ASPHD2: variants seen among roughly 807,000 people sequenced by gnomAD.
The protein encoded by ASPHD2 is aspartate beta-hydroxylase domain-containing protein 2.
A neutral mutation model predicts 34.6 loss-of-function variants in ASPHD2; 12 were observed. The ratio of observed to expected loss-of-function variants is 0.35; its 90% CI spans 0.22 to 0.56. ASPHD2 has a LOEUF of 0.56. Among genes scored for constraint, ASPHD2 ranks in the 20% least tolerant of loss-of-function variants. The probability of loss-of-function intolerance (pLI) is 0.87; values close to 1 mark genes in which losing one functional copy is unlikely to be tolerated. For missense variants in ASPHD2, 375 were observed against 505.0 expected, an observed-to-expected ratio of 0.74 and a Z score of 2.47; for synonymous variants, 224 against 212.2, an observed-to-expected ratio of 1.06 and a Z score of -0.48.
chr22:26,442,276 AC>A (rs2084853022), intron 2 of ASPHD2, among the ~76,000 whole-genome samples, 182 bp from the exon 3 acceptor site: 1 of 152,174 alleles, frequency 6.6e-6, no homozygotes, highest in African/African-American at 2.4e-5. Context: ...TCAGGTTTCA[AC>A]ATGGGAATTT....
chr22:26,432,173 C>T (rs554009382), intron 1 of ASPHD2, among the ~76,000 whole-genome samples: 71 of 152,262 alleles, frequency 4.7e-4, no homozygotes, highest in African/African-American at 6.0e-4. Context: ...CCAGCCTGGG[C>T]GATAAGAGTG....
In ASPHD2 at chr22:26,443,456, G is replaced by A. The variant is rs2084873013; in HGVS notation, c.*250G>A. ...TCATTTGCTTCAGAGACTCCTTTCTGGCCTAACAGCGCATTCCTTTGATTG... is the reference window on the plus strand; with the variant it reads ...TCATTTGCTTCAGAGACTCCTTTCTAGCCTAACAGCGCATTCCTTTGATTG... On this transcript the variant is annotated 3_prime_UTR_variant, in exon 4 of 4. Coordinates refer to ENST00000215906, the MANE Select transcript of ASPHD2 (RefSeq NM_020437.5). The A allele has an allele frequency of 2.3e-6, 1 of 441,822 alleles. No homozygotes were observed. The highest frequency in any genetic ancestry group is 2.3e-5 in the South Asian group (1 of 43,062). The allele number at this position is 441,822 out of a possible 1,614,324, so 27.4% of individuals were successfully genotyped here. A position where few individuals can be genotyped will look rare whatever the true frequency, so the allele number is the denominator to read the frequency against.
At chr22:26,437,914 C>G (rs1161302996) in intron 2 of ASPHD2, among the ~76,000 whole-genome samples, 1 of 152,110 alleles carries the variant, frequency 6.6e-6, no homozygotes, top group Non-Finnish European at 1.5e-5. Context: ...TCACTGTCCT[C>G]AAGAGCCACT....
rs978453569 is a variant in ASPHD2 at position 26,429,799 on chromosome 22, C to T, written c.-225+313C>T. ...CTCCATCTCCCTTCTCCCCTGTGAC[C>T]CCTCTTTCCTCACCTCCTGTCCCCT... is the stretch of plus-strand genomic sequence containing the variant. On this transcript the variant is annotated intron_variant, in intron 1 of 3. Coordinates refer to ENST00000215906, the MANE Select transcript of ASPHD2 (RefSeq NM_020437.5). The surrounding 1 kb of genome is among the most constrained non-coding windows in gnomAD (Gnocchi z 4.5). 4.6e-5 allele frequency among the ~76,000 whole-genome samples: 7 copies of T among 152,040 alleles called. No individual in the cohort carries two copies. Among genetic ancestry groups the T allele is most frequent in the African/African-American group, 1.7e-4 (7 of 41,404 alleles).
At position 26,433,463 on chromosome 22, in the gene ASPHD2, TC is replaced by T. The variant is rs1290740292; in HGVS notation, c.-151del. 2 of 612,440 alleles carry T rather than the reference TC, an allele frequency of 3.3e-6. No homozygotes were observed. Among genetic ancestry groups the T allele is most frequent in the African/African-American group, 3.7e-5 (2 of 53,838 alleles). The allele number at this position is 612,440 out of a possible 1,614,324, so 37.9% of individuals were successfully genotyped here. A position where few individuals can be genotyped will look rare whatever the true frequency, so the allele number is the denominator to read the frequency against. Reference sequence around the variant, plus strand: ...GATAATGTGACAAAAACCAGCCTCTTCCACCCCACTGCAGTGACTTTTGCCG... The same window carrying T: ...GATAATGTGACAAAAACCAGCCTCTTCACCCCACTGCAGTGACTTTTGCCG... On this transcript the variant is annotated 5_prime_UTR_variant, in exon 2 of 4. Coordinates refer to ENST00000215906, the MANE Select transcript of ASPHD2 (RefSeq NM_020437.5). The surrounding 1 kb of genome is among the most constrained non-coding windows in gnomAD (Gnocchi z 5.1).
At chr22:26,435,116 T>G (rs558781794) in intron 2 of ASPHD2, among the ~76,000 whole-genome samples, 1 of 152,292 alleles carries the variant, frequency 6.6e-6, no homozygotes, top group Non-Finnish European at 1.5e-5. Context: ...TAGACAGCCT[T>G]TGTTTGCATC....
Position 26,444,684 on chromosome 22 carries a change from A to G in ASPHD2, c.*1478A>G, listed in dbSNP as rs1477328630. The stretch of plus-strand genomic sequence containing the variant: ...ATCCAAATGGAAAACAGCAGCTTCT[A>G]AGAGGTACAACTGTTGGAAGAAAAC... On this transcript the variant is annotated 3_prime_UTR_variant, in exon 4 of 4. Transcript: ENST00000215906. 4 of 152,262 alleles carry G rather than the reference A, an allele frequency of 2.6e-5. No homozygotes were observed. The highest frequency in any genetic ancestry group is 6.5e-5 in the Admixed American group (1 of 15,290). 9.4% of individuals were successfully genotyped at this position (152,262 alleles called of 1,614,324 possible).
Position 26,443,973 on chromosome 22 carries a change from G to C in ASPHD2, c.*767G>C, listed in dbSNP as rs544221774. On this transcript the variant is annotated 3_prime_UTR_variant, in exon 4 of 4. Transcript: ENST00000215906. ...ACCAAGCTGCGGCTCACACAGATCA[G>C]CCACGGAACGTGTGATCCGCTTACC... is the stretch of plus-strand genomic sequence containing the variant. 7.9e-5 allele frequency: 12 copies of C among 152,340 alleles called. No homozygotes were observed. The South Asian group carries it at 2.5e-3, about 32-fold the overall frequency. The allele number at this position is 152,340 out of a possible 1,614,324, so 9.4% of individuals were successfully genotyped here.
At position 26,434,156 on chromosome 22, in the gene ASPHD2, C is replaced by A. The variant is rs778617130; in HGVS notation, c.541C>A (p.Arg181=). 1 of 1,612,082 alleles carries A rather than the reference C, an allele frequency of 6.2e-7. No homozygotes were observed. Among genetic ancestry groups the A allele is most frequent in the Non-Finnish European group, 8.5e-7 (1 of 1,179,098 alleles). ...PDLPTTPYFS[R]DAQKHDVEVL... ...CCTGCCCACCACGCCCTATTTCTCC[C>A]GGGACGCACAGAAACATGATGTGGA... The change falls in exon 2 of 4, where the codon CGG becomes AGG. Residue 181 remains arginine (R), a synonymous_variant. Coordinates refer to ENST00000215906, the MANE Select transcript of ASPHD2 (RefSeq NM_020437.5).
rs556584264 is a variant in ASPHD2, at chr22:26,444,138, G to C, written c.*932G>C. The C allele has an allele frequency of 3.9e-5, 6 of 152,322 alleles. No individual in the cohort carries two copies. In the East Asian group the frequency reaches 9.6e-4, roughly 24 times the overall value. 9.4% of individuals were successfully genotyped at this position (152,322 alleles called of 1,614,324 possible). ...AGGGGGATAGGACCGCGCTCACCCA[G>C]CGACATTTGGGGAAAGCCTTTCTCT... On this transcript the variant is annotated 3_prime_UTR_variant, in exon 4 of 4. Coordinates refer to ENST00000215906, the MANE Select transcript of ASPHD2 (RefSeq NM_020437.5).
At chr22:26,442,888 C>T (rs545798624) in intron 3 of ASPHD2, among the ~76,000 whole-genome samples, 1 of 152,150 alleles carries the variant, frequency 6.6e-6, no homozygotes, top group Non-Finnish European at 1.5e-5. Context: ...ATCCCTCCAT[C>T]TCCCCATTTC....
chr22:26,441,478 TAAAAAAAAAAA>T (rs34554219), intron 2 of ASPHD2, among the ~76,000 whole-genome samples: 2 of 95,622 alleles, frequency 2.1e-5, no homozygotes, highest in African/African-American at 4.5e-5. Flanking sequence ...ACCTTGTATC[TAAAAAAAAAAA>T]AAAAAAAAAA....
Position 26,433,686 on chromosome 22 carries a change from C to G in ASPHD2, c.71C>G (p.Ser24Cys), listed in dbSNP as rs775479014. 8.1e-6 allele frequency: 13 copies of G among 1,614,130 alleles called. No homozygotes were observed. In the South Asian group the frequency reaches 9.9e-5, roughly 12 times the overall value. Residue 24 changes from serine (S) to cysteine (C), a missense_variant, in exon 2 of 4, where the codon TCC becomes TGC. Coordinates refer to ENST00000215906, the MANE Select transcript of ASPHD2 (RefSeq NM_020437.5). The surrounding 1 kb of genome is among the most constrained non-coding windows in gnomAD (Gnocchi z 5.1). ...LTLLHTPSKDSPKMSLEWLVA... is the reference protein window; with the variant it reads ...LTLLHTPSKDCPKMSLEWLVA... The stretch of plus-strand genomic sequence containing the variant: ...TTGCTTCACACGCCCAGTAAGGACT[C>G]CCCCAAGATGTCGCTCGAGTGGCTG...
At chr22:26,439,830 C>T (rs994870279) in intron 2 of ASPHD2, among the ~76,000 whole-genome samples, 3 of 152,228 alleles carry the variant, frequency 2.0e-5, no homozygotes, top group Non-Finnish European at 2.9e-5. Flanking sequence ...CCAAGTCCTC[C>T]GTCCTTCTGT....
chr22:26,433,909 C>G lies in ASPHD2; in HGVS notation c.294C>G (p.Ala98=), dbSNP rs1398017708. The G allele has an allele frequency of 1.5e-5, 25 of 1,613,696 alleles. No individual in the cohort carries two copies. The highest frequency in any genetic ancestry group is 2.1e-5 in the Non-Finnish European group (25 of 1,180,042). Residue 98 remains alanine (A), a synonymous_variant, in exon 2 of 4, where the codon GCC becomes GCG. Coordinates refer to ENST00000215906, the MANE Select transcript of ASPHD2 (RefSeq NM_020437.5). The surrounding 1 kb of genome is among the most constrained non-coding windows in gnomAD (Gnocchi z 5.1). The part of the protein sequence containing the change: ...SVNSLMQAAD[A]NGLQNGYVYC... ...ACTCCCTCATGCAGGCTGCCGATGC[C>G]AACGGGCTGCAGAATGGCTACGTGT...
intron 2 of ASPHD2, among the ~76,000 whole-genome samples, chr22:26,441,943 T>G (rs1481732666): frequency 1.6e-5 from 2 of 124,644 alleles, no homozygotes; most frequent in East Asian, 4.7e-4. Context: ...AACAAAAAAA[T>G]TAGCCGGGTG....
intron 2 of ASPHD2, among the ~76,000 whole-genome samples, chr22:26,439,429 G>T (rs757835500): frequency 6.6e-6 from 1 of 152,120 alleles, no homozygotes; most frequent in South Asian, 2.1e-4. Flanking sequence ...AAGAAAAATC[G>T]AAAACTCCAC....
Position 26,435,601 on chromosome 22 carries a change from C to T in ASPHD2, c.886+1100C>T, listed in dbSNP as rs1440385079. On this transcript the variant is annotated intron_variant, in intron 2 of 3. Transcript: ENST00000215906. ...GCCTCAGGGCTGCCTGGGAAGGAGC[C>T]GGAGCTGGGGGCCCCCGAGCCCTCT... 5.9e-5 allele frequency among the ~76,000 whole-genome samples: 9 copies of T among 152,132 alleles called. No individual in the cohort carries two copies. In the South Asian group the frequency reaches 8.3e-4, roughly 14 times the overall value.
At position 26,442,498 on chromosome 22, in the gene ASPHD2, G is replaced by T. The variant is rs545829890; in HGVS notation, c.926G>T (p.Gly309Val). Residue 309 changes from glycine (G) to valine (V), a missense_variant, in exon 3 of 4, where the codon GGA becomes GTA. Transcript: ENST00000215906. ...TPNGCELVVG[G>V]EPQCWAEGRC... ...AATGGCTGTGAGCTGGTGGTGGGGG[G>T]AGAGCCCCAGTGCTGGGCAGAAGGG... 6.2e-7 allele frequency: 1 copy of T among 1,609,636 alleles called. No individual in the cohort carries two copies. The highest frequency in any genetic ancestry group is 1.3e-5 in the African/African-American group (1 of 74,700).
Sources: gnomAD v4.1 joint callset for allele counts (sites outside exome capture counted in the v4.1 genomes callset) on GRCh38, gnomAD v4.1.1 for gene constraint, Gnocchi (gnomAD v3.1) non-coding constraint, MANE v1.5 for transcripts, NCBI Gene and HGNC (gene_info 2026-07-23, HGNC 2026-07-21) for gene names.